XPR1: variants seen among roughly 807,000 people sequenced by gnomAD.
The protein encoded by XPR1 is xenotropic and polytropic retrovirus receptor 1, also known as solute carrier family 53 member 1.
In XPR1, 28 loss-of-function variants were observed where a neutral mutation model predicts 87.5. That is an observed-to-expected ratio of 0.32 (90% CI 0.24 to 0.44). The LOEUF is 0.44. Ranked by LOEUF, XPR1 falls within the 20% of genes least tolerant of loss-of-function variation. The pLI is 1.00. For missense variants in XPR1, 559 were observed against 862.3 expected, an observed-to-expected ratio of 0.65 and a Z score of 4.41; for synonymous variants, 300 against 306.1, an observed-to-expected ratio of 0.98 and a Z score of 0.21.
intron 7 of XPR1, among the ~76,000 whole-genome samples, chr1:180,812,345 C>T (rs1167194215): frequency 6.6e-6 from 1 of 152,172 alleles, no homozygotes; most frequent in Non-Finnish European, 1.5e-5. Context: ...CGTCTATATG[C>T]TAATGACTCC....
chr1:180,861,142 A>G (rs1265966967), intron 11 of XPR1, among the ~76,000 whole-genome samples: 1 of 152,094 alleles, frequency 6.6e-6, no homozygotes, highest in African/African-American at 2.4e-5. Flanking sequence ...TGTATCTATT[A>G]CTCTATTCTC....
intron 2 of XPR1, among the ~76,000 whole-genome samples, chr1:180,746,046 A>C (rs1253769150): frequency 1.3e-5 from 2 of 152,134 alleles, no homozygotes; most frequent in Non-Finnish European, 2.9e-5. Flanking sequence ...GTCCTTCTGG[A>C]GTCTCTATCT....
rs1652809782 is a variant in XPR1 at position 180,880,307 on chromosome 1, G to A, written c.2030+10G>A. 2.5e-6 allele frequency: 4 copies of A among 1,613,784 alleles called. No individual in the cohort carries two copies. Among genetic ancestry groups the A allele is most frequent in the Non-Finnish European group, 3.4e-6 (4 of 1,179,848 alleles). Reference sequence around the variant, plus strand: ...CTCGCCTCGCTTCTCAGTATGTATGGCTTCTACTTCTGTGAGGCATATTTC... The same window carrying A: ...CTCGCCTCGCTTCTCAGTATGTATGACTTCTACTTCTGTGAGGCATATTTC... On this transcript the variant is annotated intron_variant, in intron 14 of 14. Transcript: ENST00000367590.
At chr1:180,667,742 A>G (rs1313329178) in intron 1 of XPR1, among the ~76,000 whole-genome samples, 2 of 152,142 alleles carry the variant, frequency 1.3e-5, no homozygotes, top group African/African-American at 2.4e-5. Context: ...CTTTGTTGGA[A>G]TTATGGAGTC....
At chr1:180,703,076 C>G (rs1246307153) in intron 2 of XPR1, among the ~76,000 whole-genome samples, 1 of 152,116 alleles carries the variant, frequency 6.6e-6, no homozygotes, top group Non-Finnish European at 1.5e-5. Flanking sequence ...CTATGAGTTT[C>G]TCATTGGCTT....
At chr1:180,782,935 C>T (rs1466019122) in intron 2 of XPR1, among the ~76,000 whole-genome samples, 2 of 151,882 alleles carry the variant, frequency 1.3e-5, no homozygotes, top group South Asian at 2.1e-4. Context: ...ATATTGGGCT[C>T]GTTGATTTTT....
chr1:180,659,389 T>TCCG (rs1557943683), intron 1 of XPR1, among the ~76,000 whole-genome samples: 25 of 29,206 alleles, frequency 8.6e-4, no homozygotes, highest in South Asian at 1.4e-3. Context: ...CCGTCCTTCC[T>TCCG]TCCTTCCTTC....
intron 2 of XPR1, among the ~76,000 whole-genome samples, chr1:180,767,084 G>T (rs1410650956): frequency 6.6e-6 from 1 of 152,120 alleles, no homozygotes; most frequent in Non-Finnish European, 1.5e-5. Context: ...ACTTGACCAA[G>T]TTCTTGTTAG....
intron 13 of XPR1, among the ~76,000 whole-genome samples, chr1:180,879,384 T>G (rs1357539361): frequency 6.6e-6 from 1 of 152,194 alleles, no homozygotes; most frequent in Non-Finnish European, 1.5e-5. Flanking sequence ...GACCTAAAAT[T>G]TAAACTATGG....
chr1:180,846,020 G>A (rs551409596), intron 11 of XPR1, among the ~76,000 whole-genome samples: 1 of 152,172 alleles, frequency 6.6e-6, no homozygotes. Context: ...AGCACTTTGG[G>A]AGGCCAAGGC....
intron 11 of XPR1, among the ~76,000 whole-genome samples, chr1:180,859,199 C>T (rs548170878): frequency 2.0e-5 from 3 of 152,244 alleles, no homozygotes; most frequent in African/African-American, 7.2e-5. Flanking sequence ...TTTAAAAAAT[C>T]ATTCCCACAT....
chr1:180,743,057 C>T (rs111841982), intron 2 of XPR1, among the ~76,000 whole-genome samples: 1,915 of 152,034 alleles, frequency 0.013, 31 homozygotes, highest in African/African-American at 0.044. Context: ...TATAGTTGGA[C>T]ATTTAAAAAA....
At chr1:180,840,935 C>T (rs935388152) in intron 11 of XPR1, among the ~76,000 whole-genome samples, 27 of 151,912 alleles carry the variant, frequency 1.8e-4, no homozygotes, top group Non-Finnish European at 3.2e-4. Flanking sequence ...TGTAACATGC[C>T]GTGCTAAGCA....
At chr1:180,710,117 C>T (rs1314183398) in intron 2 of XPR1, among the ~76,000 whole-genome samples, 1 of 151,934 alleles carries the variant, frequency 6.6e-6, no homozygotes, top group East Asian at 1.9e-4. Flanking sequence ...TGGTCTCGAA[C>T]TCCTGACCTT....
At chr1:180,874,972 G>A (rs1167820094) in intron 13 of XPR1, among the ~76,000 whole-genome samples, 1 of 152,082 alleles carries the variant, frequency 6.6e-6, no homozygotes, top group Non-Finnish European at 1.5e-5. Context: ...GATAAATAAC[G>A]GGTCAGTTAA....
At chr1:180,646,816 A>G (rs1241442260) in intron 1 of XPR1, among the ~76,000 whole-genome samples, 2 of 152,182 alleles carry the variant, frequency 1.3e-5, no homozygotes, top group African/African-American at 4.8e-5. Context: ...ATGGACTGAA[A>G]TAAGTGTTGG....
At chr1:180,750,616 A>G (rs1319573437) in intron 2 of XPR1, among the ~76,000 whole-genome samples, 1 of 152,100 alleles carries the variant, frequency 6.6e-6, no homozygotes, top group Non-Finnish European at 1.5e-5. Context: ...GTTTATCTTT[A>G]TGCAGGTGCA....
chr1:180,840,716 C>T (rs983609867), intron 11 of XPR1, among the ~76,000 whole-genome samples: 1 of 151,616 alleles, frequency 6.6e-6, no homozygotes, highest in Non-Finnish European at 1.5e-5. Flanking sequence ...CTTATAGTTA[C>T]ATGTTAAATA....
chr1:180,776,271 C>G (rs1479275470), intron 2 of XPR1, among the ~76,000 whole-genome samples: 2 of 152,064 alleles, frequency 1.3e-5, no homozygotes, highest in Non-Finnish European at 2.9e-5. Flanking sequence ...AACTTTCATT[C>G]TGATCTACTT....
Sources: gnomAD v4.1 joint callset for allele counts (sites outside exome capture counted in the v4.1 genomes callset) on GRCh38, gnomAD v4.1.1 for gene constraint, MANE v1.5 for transcripts, NCBI Gene and HGNC (gene_info 2026-07-23, HGNC 2026-07-21) for gene names.